Variants in MYO18B observed in about 807,000 individuals in gnomAD.
MYO18B encodes myosin XVIIIB.
In MYO18B, 204 loss-of-function variants were observed where a neutral mutation model predicts 273.0. That is an observed-to-expected ratio of 0.75 (90% CI 0.67 to 0.84). The LOEUF (loss-of-function observed/expected upper bound fraction) is 0.84. Among genes scored for constraint, MYO18B ranks in the 40% least tolerant of loss-of-function variants. The probability of loss-of-function intolerance (pLI) is 0.00; values close to 1 mark genes in which losing one functional copy is unlikely to be tolerated. For missense variants in MYO18B, 3,212 were observed against 3,287.6 expected, an observed-to-expected ratio of 0.98 and a Z score of 0.56; for synonymous variants, 1,330 against 1,305.7, an observed-to-expected ratio of 1.02 and a Z score of -0.40.
chr22:25,996,293 ATTC>A (rs1933233753), intron 40 of MYO18B, among the ~76,000 whole-genome samples: 1 of 152,176 alleles, frequency 6.6e-6, no homozygotes, highest in Non-Finnish European at 1.5e-5. Context: ...AATTGCATTC[ATTC>A]ATTCATTCAT....
At chr22:26,050,491 G>A in the MYO18B span, among the ~76,000 whole-genome samples, 1 of 152,102 alleles carries the variant, frequency 6.6e-6, no homozygotes, top group Admixed American at 6.5e-5. Flanking sequence ...TTAGGGAAGA[G>A]AATAACAAAA....
intron 1 of MYO18B, among the ~76,000 whole-genome samples, chr22:25,749,097 T>C (rs1365018153): frequency 2.6e-5 from 4 of 152,176 alleles, no homozygotes; most frequent in African/African-American, 9.7e-5. Context: ...GTCCTTCCCA[T>C]GTAACCCACG....
chr22:25,768,949 G>A lies in MYO18B; in HGVS notation c.1033G>A (p.Ala345Thr), dbSNP rs900918325. The A allele has an allele frequency of 1.1e-5, 17 of 1,611,890 alleles. No homozygotes were observed. The African/African-American group carries it at 1.9e-4, about 18-fold the overall frequency. The change falls in exon 4 of 44, where the codon GCA (alanine) becomes ACA (threonine). Residue 345 changes from alanine (A) to threonine (T), a missense_variant. By Grantham distance (58) the Ala-to-Thr change is moderately conservative. Transcript: ENST00000335473. ...KDKEGVLLSK[A>T]EKTGEPQTQM... ...CAAAGAAGGGGTGCTCTTAAGTAAG[G>A]CAGAGAAGACAGGTGAGCCTCAGAC...
intron 39 of MYO18B, among the ~76,000 whole-genome samples, chr22:25,957,516 G>A (rs1351098987): frequency 6.6e-6 from 1 of 152,230 alleles, no homozygotes; most frequent in Non-Finnish European, 1.5e-5. Context: ...CTTTAGTTTG[G>A]TGAGTGTGGT....
the MYO18B span, among the ~76,000 whole-genome samples, chr22:26,055,758 A>G: frequency 8.5e-5 from 13 of 152,184 alleles, no homozygotes; most frequent in African/African-American, 3.1e-4. Context: ...TTTTTAAAAG[A>G]GAGAGAGAAA....
chr22:26,038,589 T>A, the MYO18B span, among the ~76,000 whole-genome samples: 7,750 of 152,084 alleles, frequency 0.051, 312 homozygotes, highest in East Asian at 0.14. Flanking sequence ...ATGAAGAGGA[T>A]CTCCTGGCAG....
chr22:25,873,885 G>A lies in MYO18B; in HGVS notation c.3952-401G>A, dbSNP rs115371019. Among the ~76,000 whole-genome samples, 694 of 152,316 alleles carry A rather than the reference G, an allele frequency of 4.6e-3. 7 individuals are homozygous for A. The highest frequency in any genetic ancestry group is 0.016 in the African/African-American group (645 of 41,560). ...CTGCATGTACTGCACTTTCCAGGTG[G>A]TGACCGTGCACAGAACAGTTTAGGC... On this transcript the variant is annotated intron_variant, in intron 22 of 43. Coordinates refer to ENST00000335473, the MANE Select transcript of MYO18B (RefSeq NM_032608.7).
At chr22:25,999,900 C>T (rs953001189) in intron 40 of MYO18B, among the ~76,000 whole-genome samples, 7 of 152,092 alleles carry the variant, frequency 4.6e-5, no homozygotes, top group Non-Finnish European at 7.3e-5. Flanking sequence ...GTGATCTGCC[C>T]GCCTCGCCTC....
At chr22:25,816,028 T>C (rs1157726879) in intron 12 of MYO18B, among the ~76,000 whole-genome samples, 1 of 152,192 alleles carries the variant, frequency 6.6e-6, no homozygotes, top group Admixed American at 6.5e-5. Flanking sequence ...TGGAACAATA[T>C]GTCCAGGTTT....
chr22:25,794,284 G>A (rs190179042), intron 11 of MYO18B, among the ~76,000 whole-genome samples: 1 of 151,798 alleles, frequency 6.6e-6, no homozygotes, highest in Non-Finnish European at 1.5e-5. Context: ...GTGGTTCACT[G>A]CAACCTTGAT....
intron 29 of MYO18B, chr22:25,901,453 G>C (rs4822672): frequency 6.6e-6 from 1 of 152,288 alleles, no homozygotes; most frequent in East Asian, 1.9e-4. Flanking sequence ...TCCAGGAGGG[G>C]CTTCTCACCC....
intron 34 of MYO18B, among the ~76,000 whole-genome samples, chr22:25,934,601 A>G (rs9620571): frequency 0.013 from 1,916 of 152,276 alleles, 35 homozygotes; most frequent in African/African-American, 0.042. Context: ...CATTTTAGGG[A>G]GACATGAGAC....
chr22:25,847,942 CACACAT>C (rs1182008776), intron 20 of MYO18B, among the ~76,000 whole-genome samples: 4 of 108,826 alleles, frequency 3.7e-5, no homozygotes, highest in South Asian at 3.4e-4. Flanking sequence ...TGAAAACACA[CACACAT>C]ACACACACAC....
At chr22:25,866,985 G>C (rs1234462558) in intron 21 of MYO18B, among the ~76,000 whole-genome samples, 1 of 152,066 alleles carries the variant, frequency 6.6e-6, no homozygotes, top group African/African-American at 2.4e-5. Flanking sequence ...GGAGGACTTA[G>C]TGAATTACTA....
chr22:26,006,897 T>C (rs1256250476), intron 42 of MYO18B, among the ~76,000 whole-genome samples: 1 of 152,192 alleles, frequency 6.6e-6, no homozygotes, highest in Non-Finnish European at 1.5e-5. Context: ...ACTGTCTATC[T>C]TCATGTTACA....
intron 42 of MYO18B, among the ~76,000 whole-genome samples, chr22:26,019,942 G>A (rs1188271140): frequency 6.6e-6 from 1 of 152,222 alleles, no homozygotes; most frequent in Non-Finnish European, 1.5e-5. Context: ...ACATCGCAGT[G>A]GATCTTGAAA....
In MYO18B at chr22:26,004,844, C is replaced by T. The variant is rs1273342101; in HGVS notation, c.6459C>T (p.Ile2153=). 1 of 1,613,688 alleles carries T rather than the reference C, an allele frequency of 6.2e-7. No homozygotes were observed. The highest frequency in any genetic ancestry group is 8.5e-7 in the Non-Finnish European group (1 of 1,179,712). ...PSRQSATSSR[I]LSPRINEEAG... is the part of the protein sequence containing the mutation. ...GACAGTCAGCCACCAGCAGCCGCAT[C>T]CTCAGCCCCAGGTAAGAGTATCTCC... Residue 2153 remains isoleucine, a synonymous_variant, in exon 42 of 44, where the codon ATC becomes ATT. Coordinates refer to ENST00000335473, the MANE Select transcript of MYO18B (RefSeq NM_032608.7).
the MYO18B span, among the ~76,000 whole-genome samples, chr22:26,052,624 A>G: frequency 6.6e-6 from 1 of 152,200 alleles, no homozygotes; most frequent in Non-Finnish European, 1.5e-5. Context: ...AGATGAAAAG[A>G]ACAAGAAAGA....
At chr22:25,901,694 C>G (rs1048213160) in intron 29 of MYO18B, among the ~76,000 whole-genome samples, 1 of 151,734 alleles carries the variant, frequency 6.6e-6, no homozygotes, top group African/African-American at 2.4e-5. Context: ...ATTCTACTTA[C>G]ATCCATTCGT....
Sources: gnomAD v4.1 joint callset for allele counts (sites outside exome capture counted in the v4.1 genomes callset) on GRCh38, gnomAD v4.1.1 for gene constraint, MANE v1.5 for transcripts, NCBI Gene and HGNC (gene_info 2026-07-23, HGNC 2026-07-21) for gene names.